STIM1: variants seen among roughly 807,000 people sequenced by gnomAD.
STIM1 encodes the protein stromal interaction molecule 1.
In STIM1, 25 loss-of-function variants were observed where a neutral mutation model predicts 74.7. The observed-to-expected ratio is 0.33, with a 90% CI of 0.24 to 0.47. The LOEUF (loss-of-function observed/expected upper bound fraction) is 0.47. Ranked by LOEUF, STIM1 falls within the 20% of genes least tolerant of loss-of-function variation. The pLI is 1.00. For missense variants in STIM1, 728 were observed against 920.8 expected (o/e 0.79, Z 2.71); for synonymous variants, 328 against 348.8 (o/e 0.94, Z 0.66).
chr11:4,013,690 C>CTTTTTTTTTTTTTTT (rs1169600270), intron 2 of STIM1, among the ~76,000 whole-genome samples: 4 of 51,910 alleles, frequency 7.7e-5, no homozygotes, highest in African/African-American at 1.9e-4. Context: ...TCATTGATTT[C>CTTTTTTTTTTTTTTT]TTTTTTTTTT....
intron 1 of STIM1, among the ~76,000 whole-genome samples, chr11:3,874,023 C>T (rs551847766): frequency 2.0e-5 from 3 of 152,274 alleles, no homozygotes; most frequent in South Asian, 2.1e-4. Flanking sequence ...GGTCCTGCTC[C>T]GGCCTCCTAG....
At chr11:4,049,189 C>T (rs1488274640) in intron 3 of STIM1, among the ~76,000 whole-genome samples, 2 of 152,130 alleles carry the variant, frequency 1.3e-5, no homozygotes, top group Non-Finnish European at 2.9e-5. Flanking sequence ...AGAGTTGGTT[C>T]CTGTTATGAC....
intron 5 of STIM1, among the ~76,000 whole-genome samples, chr11:4,064,674 CT>C (rs987086758): frequency 6.6e-6 from 1 of 152,182 alleles, no homozygotes; most frequent in Non-Finnish European, 1.5e-5. Context: ...AGCCTCAGAA[CT>C]TGGGAAGAGG....
chr11:4,055,238 A>C (rs2094279114), intron 3 of STIM1, among the ~76,000 whole-genome samples: 1 of 152,210 alleles, frequency 6.6e-6, no homozygotes, highest in Non-Finnish European at 1.5e-5. Context: ...AAGATATAGA[A>C]TATATCCATC....
At position 3,949,213 on chromosome 11, in the gene STIM1, C is replaced by G. The variant is rs542034506; in HGVS notation, c.140-18339C>G. 9.5e-4 allele frequency among the ~76,000 whole-genome samples: 145 copies of G among 152,268 alleles called. No individual in the cohort carries two copies. The South Asian group carries it at 0.022, about 23-fold the overall frequency. Reference sequence around the variant, plus strand: ...GGCTCCTAGAGAAATTAGAAAAAGCCTGAGTAGAATCTTGAAACCTGAGTA... The same window carrying G: ...GGCTCCTAGAGAAATTAGAAAAAGCGTGAGTAGAATCTTGAAACCTGAGTA... On this transcript the variant is annotated intron_variant, in intron 1 of 12. Coordinates refer to ENST00000526596, the MANE Select transcript of STIM1 (RefSeq NM_001382567.1).
intron 2 of STIM1, among the ~76,000 whole-genome samples, chr11:4,000,876 C>T (rs1314138424): frequency 6.6e-6 from 1 of 152,010 alleles, no homozygotes; most frequent in Non-Finnish European, 1.5e-5. Context: ...ATAACCAATA[C>T]AGAGAAGTGC....
intron 1 of STIM1, among the ~76,000 whole-genome samples, chr11:3,949,126 C>T (rs953757062): frequency 6.6e-6 from 1 of 152,124 alleles, no homozygotes; most frequent in Non-Finnish European, 1.5e-5. Context: ...CAGAGAAGCA[C>T]AGGGACTATA....
intron 5 of STIM1, among the ~76,000 whole-genome samples, chr11:4,065,499 C>G (rs79110042): frequency 6.7e-6 from 1 of 148,954 alleles, no homozygotes; most frequent in African/African-American, 2.5e-5. Flanking sequence ...AACAATATGT[C>G]TCTCTGCCTT....
chr11:3,993,679 A>C (rs562326394), intron 2 of STIM1, among the ~76,000 whole-genome samples: 1 of 152,172 alleles, frequency 6.6e-6, no homozygotes, highest in South Asian at 2.1e-4. Context: ...ACGAAACAAA[A>C]ACCCCAAAAA....
At chr11:3,988,089 C>G (rs1286793064) in intron 2 of STIM1, among the ~76,000 whole-genome samples, 2 of 152,090 alleles carry the variant, frequency 1.3e-5, no homozygotes, top group Non-Finnish European at 2.9e-5. Flanking sequence ...GAAATGGAGT[C>G]CTAGAGGTTT....
chr11:3,895,683 C>CTTCTTTCT (rs1157478592), intron 1 of STIM1, among the ~76,000 whole-genome samples: 7 of 37,996 alleles, frequency 1.8e-4, no homozygotes, highest in Admixed American at 5.5e-4. Context: ...TCCTTCCTTC[C>CTTCTTTCT]TTCTTTCTTT....
rs113827512 is a variant in STIM1, at chr11:4,027,397, C to T, written c.385+3410C>T. 2.9e-3 allele frequency among the ~76,000 whole-genome samples: 445 copies of T among 152,086 alleles called. 2 individuals are homozygous for T. The highest frequency in any genetic ancestry group is 4.0e-3 in the Non-Finnish European group (275 of 67,970). On this transcript the variant is annotated intron_variant, in intron 3 of 12. Transcript: ENST00000526596. Reference sequence around the variant, plus strand: ...CGCAATCTCAGCTCACTGCCACCTCCGCCTCCCAGGTTCAAGCGATTCTCC... The same window carrying T: ...CGCAATCTCAGCTCACTGCCACCTCTGCCTCCCAGGTTCAAGCGATTCTCC...
At chr11:3,888,531 A>G (rs2091798942) in intron 1 of STIM1, among the ~76,000 whole-genome samples, 1 of 151,998 alleles carries the variant, frequency 6.6e-6, no homozygotes, top group Non-Finnish European at 1.5e-5. Context: ...GAACATTGCC[A>G]TATAGTCTTT....
intron 1 of STIM1, among the ~76,000 whole-genome samples, chr11:3,873,085 A>G (rs1224951536): frequency 2.6e-5 from 4 of 151,836 alleles, no homozygotes; most frequent in African/African-American, 4.8e-5. Flanking sequence ...AGCTGGGACT[A>G]TACGCAGGTG....
chr11:4,040,013 C>G (rs1243083683), intron 3 of STIM1, among the ~76,000 whole-genome samples: 1 of 152,138 alleles, frequency 6.6e-6, no homozygotes, highest in East Asian at 1.9e-4. Context: ...ATGTGATCTG[C>G]CTGCCTCGGC....
At position 3,857,422 on chromosome 11, in the gene STIM1, T is replaced by G. The variant is rs560993823; in HGVS notation, c.139+1013T>G. 8.6e-5 allele frequency among the ~76,000 whole-genome samples: 13 copies of G among 152,034 alleles called. No homozygotes were observed. The South Asian group carries it at 2.5e-3, about 29-fold the overall frequency. On this transcript the variant is annotated intron_variant, in intron 1 of 12. Transcript: ENST00000526596. Reference sequence around the variant, plus strand: ...AGAGCCACTGGGCCTGGCTAACTTTTTTTTTCTTTCTATTTTTAATTTTTT... The same window carrying G: ...AGAGCCACTGGGCCTGGCTAACTTTGTTTTTCTTTCTATTTTTAATTTTTT...
At chr11:3,958,859 C>T (rs2093251019) in intron 1 of STIM1, among the ~76,000 whole-genome samples, 1 of 151,246 alleles carries the variant, frequency 6.6e-6, no homozygotes, top group Non-Finnish European at 1.5e-5. Flanking sequence ...GCAGGAGAAT[C>T]GCTTGAACCT....
At chr11:3,886,797 A>G (rs553978542) in intron 1 of STIM1, among the ~76,000 whole-genome samples, 27 of 151,410 alleles carry the variant, frequency 1.8e-4, no homozygotes, top group Admixed American at 1.2e-3. Context: ...AGGTCAGGAG[A>G]TCGAGATCAT....
rs2094527654 is a variant in STIM1 at position 4,091,931 on chromosome 11, G to GTACATACCT, written c.*134_*142dup. On this transcript the variant is annotated 3_prime_UTR_variant, in exon 13 of 13. Transcript: ENST00000526596. ...GGGCTGGTCCAGGGGTCTGGGCACT[G>GTACATACCT]TACATACCTGCCCCCTCATCCTTGG... 3 of 1,183,068 alleles carry GTACATACCT rather than the reference G, an allele frequency of 2.5e-6. No homozygotes were observed. Among genetic ancestry groups the GTACATACCT allele is most frequent in the Non-Finnish European group, 2.4e-6 (2 of 827,052 alleles). The allele number at this position is 1,183,068 out of a possible 1,614,324, so 73.3% of individuals were successfully genotyped here.
Sources: allele counts gnomAD v4.1 joint callset (sites outside exome capture counted in the v4.1 genomes callset), GRCh38; gene constraint gnomAD v4.1.1; transcripts MANE v1.5; gene names NCBI Gene and HGNC (gene_info 2026-07-23, HGNC 2026-07-21).